Variants in KIF18A observed in about 807,000 individuals in gnomAD.
KIF18A encodes kinesin-like protein KIF18A.
Under a neutral mutation model 103.3 loss-of-function variants are expected in KIF18A, and 67 were observed. The observed-to-expected ratio is 0.65, with a 90% confidence interval of 0.53 to 0.79. KIF18A has a LOEUF of 0.79. KIF18A is among the 30% of genes least tolerant of loss of function. The pLI is 0.00. For missense variants in KIF18A, 1,032 were observed against 1,062.5 expected, an observed-to-expected ratio of 0.97 and a Z score of 0.40; for synonymous variants, 367 against 355.5, an observed-to-expected ratio of 1.03 and a Z score of -0.36.
chr11:28,072,834 G>A (rs1446787589), intron 10 of KIF18A, among the ~76,000 whole-genome samples: 6 of 150,918 alleles, frequency 4.0e-5, no homozygotes, highest in South Asian at 2.1e-4. Flanking sequence ...AATCTTTCTA[G>A]ATAACCACAT....
In KIF18A at chr11:28,035,381, T is replaced by G. The variant is rs1330499579; in HGVS notation, c.2504+6A>C. On this transcript the variant is annotated splice_donor_region_variant and intron_variant, in intron 15 of 16. Transcript: ENST00000263181. Reference sequence around the variant, plus strand: ...CAGAACCAAACCAGTTTATGTTTAATCATACCTTGTTAATTTCCGTTTCCT... The same window carrying G: ...CAGAACCAAACCAGTTTATGTTTAAGCATACCTTGTTAATTTCCGTTTCCT... 1 of 1,543,360 alleles carries G rather than the reference T, an allele frequency of 6.5e-7. No individual in the cohort carries two copies. The highest frequency in any genetic ancestry group is 2.3e-5 in the East Asian group (1 of 44,184).
chr11:28,080,898 TCCAGTGAACA>T (rs1851157356), intron 9 of KIF18A, among the ~76,000 whole-genome samples: 1 of 152,192 alleles, frequency 6.6e-6, no homozygotes, highest in Non-Finnish European at 1.5e-5. Context: ...AAAGTGCTAC[TCCAGTGAACA>T]CACACACTAA....
intron 13 of KIF18A, among the ~76,000 whole-genome samples, chr11:28,048,394 T>C (rs1054074002): frequency 6.6e-6 from 1 of 152,074 alleles, no homozygotes; most frequent in Non-Finnish European, 1.5e-5. Context: ...ATTAGGCAAA[T>C]ATAATATGCA....
intron 9 of KIF18A, among the ~76,000 whole-genome samples, chr11:28,081,523 C>T (rs905879113): frequency 1.3e-5 from 2 of 152,092 alleles, no homozygotes; most frequent in Admixed American, 6.6e-5. Context: ...CATCCGTTTA[C>T]TTAATAATTT....
intron 13 of KIF18A, among the ~76,000 whole-genome samples, chr11:28,038,782 C>T (rs1452543552): frequency 6.6e-6 from 1 of 151,654 alleles, no homozygotes; most frequent in South Asian, 2.1e-4. Context: ...TTTCTGAGAA[C>T]TAGATAAATG....
Position 28,082,917 on chromosome 11 carries a change from T to G in KIF18A, c.1201A>C (p.Thr401Pro). 1 of 1,606,270 alleles carries G rather than the reference T, an allele frequency of 6.2e-7. No individual in the cohort carries two copies. The highest frequency in any genetic ancestry group is 8.5e-7 in the Non-Finnish European group (1 of 1,175,630). The change falls in exon 9 of 17, where the codon ACT (threonine) becomes CCT (proline). Residue 401 changes from threonine (T) to proline (P), a missense_variant. By Grantham distance (38) the Thr-to-Pro change is conservative. Transcript: ENST00000263181. ...LKAYEEQKAF[T>P]NENDQAKLMI... is the part of the protein sequence containing the mutation. The stretch of plus-strand genomic sequence containing the variant: ...AACTTTGCTTGGTCATTTTCATTAG[T>G]GAAGGCTTTCTGTTCTTCATAGGCT...
Position 28,062,508 on chromosome 11 carries a change from C to T in KIF18A, c.1599G>A (p.Lys533=), listed in dbSNP as rs1419757741. 4 of 1,609,898 alleles carry T rather than the reference C, an allele frequency of 2.5e-6. No homozygotes were observed. Among genetic ancestry groups the T allele is most frequent in the Admixed American group, 3.4e-5 (2 of 59,686 alleles). ...SQNGHIPKEL[K]KDLHCHHLHL... is the part of the protein sequence containing the mutation. ...GCAAATGGTGACAATGAAGATCTTT[C>T]TTGAGTTCCTAGGGCAAACAATACA... Residue 533 remains lysine (K), a synonymous_variant, in exon 12 of 17, where the codon AAG becomes AAA. Coordinates refer to ENST00000263181, the MANE Select transcript of KIF18A (RefSeq NM_031217.4).
chr11:28,090,537 G>T, intron 5 of KIF18A, 80 bp downstream of exon 5: 1 of 822,786 alleles, frequency 1.2e-6, no homozygotes, highest in Non-Finnish European at 2.0e-6. Flanking sequence ...TTTTTCACAT[G>T]TATGAAAATG....
rs1454106974 is a variant in KIF18A at position 28,079,937 on chromosome 11, CT to C, written c.1263-2769del. ...AACTGCTTTCTTTTTAAAAATTTAC[CT>C]GCTAAGAAGCTTAGTAGAAACCTCT... On this transcript the variant is annotated intron_variant, in intron 9 of 16. Transcript: ENST00000263181. Among the ~76,000 whole-genome samples, 4 of 152,110 alleles carry C rather than the reference CT, an allele frequency of 2.6e-5. No individual in the cohort carries two copies. In the East Asian group the frequency reaches 7.7e-4, roughly 29 times the overall value.
At chr11:28,061,419 C>T (rs1850855174) in intron 12 of KIF18A, among the ~76,000 whole-genome samples, 1 of 151,984 alleles carries the variant, frequency 6.6e-6, no homozygotes, top group African/African-American at 2.4e-5. Flanking sequence ...CTTTTTCCCC[C>T]CATTTTAAGG....
At chr11:28,031,326 T>C (rs967929269) in intron 15 of KIF18A, among the ~76,000 whole-genome samples, 1 of 152,108 alleles carries the variant, frequency 6.6e-6, no homozygotes, top group Non-Finnish European at 1.5e-5. Context: ...ATGTGGCACA[T>C]ATACACCATG....
intron 13 of KIF18A, chr11:28,056,985 T>C (rs577319755): frequency 1.8e-5 from 6 of 331,426 alleles, no homozygotes; most frequent in Middle Eastern, 9.2e-4. Context: ...GATTTGACTA[T>C]ATAAAAGTTA....
At chr11:28,026,961 G>T (rs2133484174) in intron 15 of KIF18A, among the ~76,000 whole-genome samples, 1 of 151,826 alleles carries the variant, frequency 6.6e-6, no homozygotes, top group Non-Finnish European at 1.5e-5. Flanking sequence ...TGTCATAGAT[G>T]AGACATTTAG....
chr11:28,084,677 A>G lies in KIF18A; in HGVS notation c.1029T>C (p.Tyr343=), dbSNP rs1427759181. 43 of 1,613,042 alleles carry G rather than the reference A, an allele frequency of 2.7e-5. No homozygotes were observed. The highest frequency in any genetic ancestry group is 3.6e-5 in the Non-Finnish European group (43 of 1,179,068). The change falls in exon 7 of 17, where the codon TAT becomes TAC. Residue 343 remains tyrosine, a synonymous_variant. Transcript: ENST00000263181. ...CCCGGTTAGCATACTTAAGAGTGTTATATGTGTCATCGTAGAATACAGAGG... is the reference window on the plus strand; with the variant it reads ...CCCGGTTAGCATACTTAAGAGTGTTGTATGTGTCATCGTAGAATACAGAGG... The part of the protein sequence containing the change: ...SPSSVFYDDT[Y]NTLKYANRAK...
At chr11:28,057,013 T>A in intron 13 of KIF18A, 1 of 273,732 alleles carries the variant, frequency 3.7e-6, no homozygotes, top group Non-Finnish European at 7.1e-6. Context: ...AATAAATTGA[T>A]CAATTATTGC....
intron 10 of KIF18A, among the ~76,000 whole-genome samples, chr11:28,070,164 C>T (rs955084895): frequency 7.2e-5 from 11 of 151,738 alleles, no homozygotes; most frequent in Admixed American, 6.6e-4. Context: ...ACAGTGGATC[C>T]CCAAAGGTTA....
At chr11:28,075,177 T>TTA (rs1851073114) in intron 10 of KIF18A, among the ~76,000 whole-genome samples, 1 of 152,164 alleles carries the variant, frequency 6.6e-6, no homozygotes, top group Admixed American at 6.6e-5. Flanking sequence ...AGTCTATCCT[T>TTA]TATACAACAT....
chr11:28,084,720 ATCATTATAGTT>A lies in KIF18A; in HGVS notation c.975_985del (p.Gln325HisfsTer5). 1 of 1,611,656 alleles carries A rather than the reference ATCATTATAGTT, an allele frequency of 6.2e-7. No homozygotes were observed. Among genetic ancestry groups the A allele is most frequent in the Non-Finnish European group, 8.5e-7 (1 of 1,177,764 alleles). On this transcript the variant is annotated frameshift_variant, in exon 7 of 17. Transcript: ENST00000263181. LOFTEE classifies it high-confidence loss of function. ...TACAGAGGAAGGACTAACAGCAGCT[ATCATTATAGTT>A]TGACAGTTTCCTCCAAGAGAATCCT... is the stretch of plus-strand genomic sequence containing the variant.
chr11:28,070,728 G>C (rs1007802312), intron 10 of KIF18A, among the ~76,000 whole-genome samples: 1 of 152,192 alleles, frequency 6.6e-6, no homozygotes, highest in African/African-American at 2.4e-5. Flanking sequence ...CACAGCGCTA[G>C]GATGAGAATT....
Sources: gnomAD v4.1 joint callset for allele counts (sites outside exome capture counted in the v4.1 genomes callset) on GRCh38, gnomAD v4.1.1 for gene constraint, MANE v1.5 for transcripts, NCBI Gene and HGNC (gene_info 2026-07-23, HGNC 2026-07-21) for gene names.